SHC4: variants seen among roughly 807,000 people sequenced by gnomAD.
The protein encoded by SHC4 is SHC-transforming protein 4.
Under a neutral mutation model 69.4 loss-of-function variants are expected in SHC4, and 41 were observed. The observed-to-expected ratio is 0.59, with a 90% CI of 0.46 to 0.77. The LOEUF is 0.77. SHC4 is among the 30% of genes least tolerant of loss of function. The pLI is 0.00. For synonymous variants in SHC4, 318 were observed against 299.3 expected (o/e 1.06, Z -0.64); for missense variants, 777 against 783.8 (o/e 0.99, Z 0.10).
Position 48,843,432 on chromosome 15 carries a change from A to C in SHC4, c.1460T>G (p.Leu487Arg), listed in dbSNP as rs1215464759. 6.2e-7 allele frequency: 1 copy of C among 1,613,488 alleles called. No homozygotes were observed. Among genetic ancestry groups the C allele is most frequent in the South Asian group, 1.1e-5 (1 of 91,024 alleles). The change falls in exon 10 of 12, where the codon CTG (leucine) becomes CGG (arginine). Residue 487 changes from leucine to arginine, a missense_variant. By Grantham distance (102) the Leu-to-Arg change is moderately radical. Coordinates refer to ENST00000332408, the MANE Select transcript of SHC4 (RefSeq NM_203349.4). ...SAGNQRSAQP[L>R]GSPWHCGKAP... is the part of the protein sequence containing the mutation. ...ACTTCCGCAGTGCCATGGGCTCCCCAGTGGTTGGGCTGACCTTTGATTTCC... is the reference window on the plus strand; with the variant it reads ...ACTTCCGCAGTGCCATGGGCTCCCCCGTGGTTGGGCTGACCTTTGATTTCC...
chr15:48,888,996 C>A (rs1389985726), intron 3 of SHC4, among the ~76,000 whole-genome samples: 9 of 152,076 alleles, frequency 5.9e-5, no homozygotes, highest in Non-Finnish European at 1.5e-5. Flanking sequence ...GAAAGAGTCC[C>A]TGGCTCATAC....
At chr15:48,925,094 C>T in intron 1 of SHC4, 145 bp from the exon 2 acceptor site, 2 of 764,488 alleles carry the variant, frequency 2.6e-6, no homozygotes, top group Middle Eastern at 4.7e-4. Flanking sequence ...ACTGTTATTT[C>T]TGACTGTTAA....
At chr15:48,935,307 C>A (rs1042731712) in intron 1 of SHC4, among the ~76,000 whole-genome samples, 8 of 152,160 alleles carry the variant, frequency 5.3e-5, no homozygotes, top group African/African-American at 1.7e-4. Flanking sequence ...TCCCAGAACA[C>A]CTTTGTCACA....
chr15:48,857,621 CA>C (rs1899350804), intron 7 of SHC4, 70 bp downstream of exon 7: 1 of 1,315,636 alleles, frequency 7.6e-7, no homozygotes. Context: ...TATACACACA[CA>C]AATAAATACA....
intron 6 of SHC4, among the ~76,000 whole-genome samples, chr15:48,867,200 C>T (rs1319832946): frequency 2.6e-5 from 4 of 152,034 alleles, no homozygotes; most frequent in African/African-American, 9.7e-5. Flanking sequence ...CCATTAAAAG[C>T]AATGGCAAAC....
At chr15:48,954,065 G>C (rs1901405749) in intron 1 of SHC4, among the ~76,000 whole-genome samples, 4 of 152,152 alleles carry the variant, frequency 2.6e-5, no homozygotes, top group Admixed American at 2.6e-4. Context: ...TACATCCCGG[G>C]TTCATACACT....
At chr15:48,887,855 A>G (rs1178818475) in intron 3 of SHC4, among the ~76,000 whole-genome samples, 1 of 152,204 alleles carries the variant, frequency 6.6e-6, no homozygotes, top group African/African-American at 2.4e-5. Context: ...AAAGGATTGT[A>G]AGAGACTACT....
intron 2 of SHC4, among the ~76,000 whole-genome samples, chr15:48,914,940 C>T (rs74332350): frequency 0.023 from 3,501 of 152,258 alleles, 53 homozygotes; most frequent in Middle Eastern, 0.079. Flanking sequence ...AGCTACCATT[C>T]TACTTCCTGT....
chr15:48,871,336 A>G (rs969473115), intron 5 of SHC4, among the ~76,000 whole-genome samples: 5 of 152,232 alleles, frequency 3.3e-5, no homozygotes, highest in Admixed American at 3.3e-4. Context: ...AAGAGGAAAG[A>G]GTACAATAAA....
chr15:48,943,887 C>T (rs1901223898), intron 1 of SHC4, among the ~76,000 whole-genome samples: 1 of 152,048 alleles, frequency 6.6e-6, no homozygotes, highest in African/African-American at 2.4e-5. Context: ...CATCCTCTCA[C>T]ATCTCCTTGG....
intron 2 of SHC4, 52 bp downstream of exon 2, chr15:48,924,827 T>C: frequency 1.3e-6 from 2 of 1,572,162 alleles, no homozygotes; most frequent in Non-Finnish European, 1.8e-6. Context: ...GGAGAAATTA[T>C]TGTGACTTTA....
intron 2 of SHC4, among the ~76,000 whole-genome samples, chr15:48,917,293 C>G (rs987748757): frequency 7.9e-6 from 1 of 126,336 alleles, no homozygotes; most frequent in Non-Finnish European, 1.7e-5. Flanking sequence ...GTGTGTGTGT[C>G]AGATTCCTGA....
intron 1 of SHC4, among the ~76,000 whole-genome samples, chr15:48,928,618 G>A (rs11854518): frequency 0.13 from 20,086 of 152,076 alleles, 1,421 homozygotes; most frequent in East Asian, 0.21. Flanking sequence ...AGTGTCTTGG[G>A]GGTGAGAGGA....
chr15:48,913,716 A>G (rs1900555811), intron 2 of SHC4, among the ~76,000 whole-genome samples: 1 of 152,076 alleles, frequency 6.6e-6, no homozygotes, highest in Admixed American at 6.5e-5. Context: ...CTCCCGATGG[A>G]TCCCTGTGGT....
At chr15:48,941,291 T>C (rs185614737) in intron 1 of SHC4, among the ~76,000 whole-genome samples, 5 of 152,260 alleles carry the variant, frequency 3.3e-5, no homozygotes, top group Admixed American at 2.6e-4. Flanking sequence ...GCTAAGGAAC[T>C]GGAAAATGTT....
rs369688265 is a variant in SHC4, at chr15:48,824,418, A to T, written c.*1553T>A. ...AATATCCAGATAACTCAAGATTAAA[A>T]AAAAAAACAAAAAACATTTTTCTTG... On this transcript the variant is annotated 3_prime_UTR_variant, in exon 12 of 12. Transcript: ENST00000332408. The T allele has an allele frequency of 1.3e-5, 2 of 152,044 alleles. No individual in the cohort carries two copies. The highest frequency in any genetic ancestry group is 4.8e-5 in the African/African-American group (2 of 41,412). 9.4% of individuals were successfully genotyped at this position (152,044 alleles called of 1,614,324 possible).
chr15:48,836,492 T>C (rs1026666307), intron 10 of SHC4, among the ~76,000 whole-genome samples: 1 of 152,194 alleles, frequency 6.6e-6, no homozygotes, highest in Non-Finnish European at 1.5e-5. Context: ...CTGAAACTTG[T>C]ATGTTTAATA....
Position 48,856,031 on chromosome 15 carries a change from A to C in SHC4, c.1164T>G (p.Val388=). 1.2e-6 allele frequency: 2 copies of C among 1,614,040 alleles called. No individual in the cohort carries two copies. The highest frequency in any genetic ancestry group is 1.7e-6 in the Non-Finnish European group (2 of 1,179,906). The change falls in exon 8 of 12, where the codon GTT becomes GTG. Residue 388 remains valine, a synonymous_variant. Coordinates refer to ENST00000332408, the MANE Select transcript of SHC4 (RefSeq NM_203349.4). ...IPGKQPPVGG[V]SDMRIKVQAT... The stretch of plus-strand genomic sequence containing the variant: ...CTTGAACTTTGATCCGCATATCTGA[A>C]ACACCACCTACTGGTGGCTGCTTCC...
At chr15:48,851,349 C>T (rs1899211697) in intron 8 of SHC4, 101 bp from the exon 9 acceptor site, 2 of 1,060,542 alleles carry the variant, frequency 1.9e-6, no homozygotes, top group South Asian at 2.9e-5. Flanking sequence ...TAGCAGACTT[C>T]ACTTTCTGAC....
Sources: gnomAD v4.1 joint callset for allele counts (sites outside exome capture counted in the v4.1 genomes callset) on GRCh38, gnomAD v4.1.1 for gene constraint, MANE v1.5 for transcripts, NCBI Gene and HGNC (gene_info 2026-07-23, HGNC 2026-07-21) for gene names.